The following MCM3 variants were observed in gnomAD, a reference collection of about 807,000 sequenced individuals.
The protein encoded by MCM3 is minichromosome maintenance complex component 3, also known as DNA replication licensing factor MCM3.
MCM3 carries 59 observed loss-of-function variants against 91.3 expected under a neutral mutation model. The observed-to-expected ratio is 0.65, with a 90% CI of 0.52 to 0.80. The LOEUF is 0.80. MCM3 is among the 30% of genes least tolerant of loss of function. The probability of loss-of-function intolerance (pLI) is 0.00; values close to 1 mark genes in which losing one functional copy is unlikely to be tolerated. For missense variants in MCM3, 919 were observed against 1,035.4 expected, an observed-to-expected ratio of 0.89 and a Z score of 1.54; for synonymous variants, 383 against 379.6, an observed-to-expected ratio of 1.01 and a Z score of -0.10.
chr6:52,275,410 G>A (rs940057022), intron 9 of MCM3, among the ~76,000 whole-genome samples: 4 of 152,144 alleles, frequency 2.6e-5, no homozygotes, highest in African/African-American at 9.7e-5. Context: ...CACATTGTGA[G>A]GTAGTTACTG....
At chr6:52,270,085 G>A (rs1337420146) in intron 12 of MCM3, among the ~76,000 whole-genome samples, 1 of 152,130 alleles carries the variant, frequency 6.6e-6, no homozygotes, top group Non-Finnish European at 1.5e-5. Flanking sequence ...TAGCACTTTG[G>A]GAGGCCAAGG....
intron 4 of MCM3, among the ~76,000 whole-genome samples, chr6:52,281,583 G>A (rs1339351561): frequency 6.6e-6 from 1 of 152,040 alleles, no homozygotes; most frequent in Non-Finnish European, 1.5e-5. Flanking sequence ...AGGAGGCTAA[G>A]GTGAGAAGAT....
intron 6 of MCM3, among the ~76,000 whole-genome samples, chr6:52,278,070 C>CAGA (rs1765743790): frequency 2.6e-5 from 1 of 38,962 alleles, no homozygotes; most frequent in African/African-American, 1.2e-4. Flanking sequence ...TCCGTCTCAC[C>CAGA]AAAAAAAAAA....
At chr6:52,277,436 G>T in intron 7 of MCM3, 99 bp downstream of exon 7, 1 of 1,290,212 alleles carries the variant, frequency 7.8e-7, no homozygotes, top group Non-Finnish European at 1.1e-6. Context: ...TGATAGGACT[G>T]AAATACTGCT....
At chr6:52,267,396 T>C (rs1471875127) in intron 14 of MCM3, among the ~76,000 whole-genome samples, 5 of 151,226 alleles carry the variant, frequency 3.3e-5, no homozygotes, top group Non-Finnish European at 7.4e-5. Flanking sequence ...GCGCCCAGCC[T>C]ACCCAGGTTA....
chr6:52,276,623 C>T (rs1397164506), intron 8 of MCM3, 147 bp from the exon 9 acceptor site: 1 of 670,524 alleles, frequency 1.5e-6, no homozygotes, highest in Non-Finnish European at 2.5e-6. Flanking sequence ...TTAGAGGAAA[C>T]CCTGGTGGGT....
In MCM3 at chr6:52,279,579, A is replaced by C. The variant is rs146202729; in HGVS notation, c.552T>G (p.Leu184=). The change falls in exon 5 of 17, where the codon CTT becomes CTG. Residue 184 remains leucine, a synonymous_variant. Coordinates refer to ENST00000596288, the MANE Select transcript of MCM3 (RefSeq NM_002388.6). ...YPTKDEENNP[L]ETEYGLSVYK... ...AGACAGAAAGGCCATATTCTGTCTC[A>C]AGGGGATTGTTCTCCTCATCCTAGA... 3.1e-6 allele frequency: 5 copies of C among 1,613,614 alleles called. No individual in the cohort carries two copies. In the African/African-American group the frequency reaches 6.7e-5, roughly 22 times the overall value.
At chr6:52,269,270 C>T (rs370081968) in intron 12 of MCM3, 44 bp from the exon 13 acceptor site, 4 of 1,576,370 alleles carry the variant, frequency 2.5e-6, no homozygotes, top group Non-Finnish European at 2.6e-6. Flanking sequence ...GTCTTTTAGG[C>T]ATGCCCATCA....
intron 13 of MCM3, among the ~76,000 whole-genome samples, chr6:52,268,530 C>A (rs1764824839): frequency 6.6e-6 from 1 of 152,114 alleles, no homozygotes; most frequent in Admixed American, 6.5e-5. Context: ...ATTCACCAGA[C>A]TGGGGTGGGA....
At chr6:52,274,753 T>C (rs2128279919) in intron 9 of MCM3, among the ~76,000 whole-genome samples, 1 of 151,984 alleles carries the variant, frequency 6.6e-6, no homozygotes, top group South Asian at 2.1e-4. Flanking sequence ...TACTCTCCTT[T>C]CAATTCTGGG....
At chr6:52,275,487 G>A (rs1290333538) in intron 9 of MCM3, among the ~76,000 whole-genome samples, 1 of 152,148 alleles carries the variant, frequency 6.6e-6, no homozygotes, top group Non-Finnish European at 1.5e-5. Context: ...TATTAATATG[G>A]TACAATCTTT....
At chr6:52,264,889 TCC>T in intron 16 of MCM3, 103 bp from the exon 17 acceptor site, 1 of 932,262 alleles carries the variant, frequency 1.1e-6, no homozygotes, top group Non-Finnish European at 1.7e-6. Context: ...AGTAGAGGCG[TCC>T]CCTCAATATT....
chr6:52,282,054 A>G lies in MCM3; in HGVS notation c.522T>C (p.Tyr174=), dbSNP rs1766146356. The G allele has an allele frequency of 1.2e-6, 2 of 1,614,138 alleles. No individual in the cohort carries two copies. The highest frequency in any genetic ancestry group is 4.5e-5 in the East Asian group (2 of 44,882). Residue 174 remains tyrosine (Y), a synonymous_variant, in exon 4 of 17, where the codon TAT becomes TAC. Coordinates refer to ENST00000596288, the MANE Select transcript of MCM3 (RefSeq NM_002388.6). The stretch of plus-strand genomic sequence containing the variant: ...GATTTATCCCCCTTACCTTGGTAGG[A>G]TAGACAGAGCTGGAGGGAAAGGCCA... ...TLVAFPSSSV[Y]PTKDEENNPL... is the part of the protein sequence containing the mutation.
intron 9 of MCM3, 51 bp from the exon 10 acceptor site, chr6:52,273,967 GAAC>G (rs17246401): frequency 0.018 from 25,355 of 1,447,530 alleles, 314 homozygotes; most frequent in Middle Eastern, 0.033. Context: ...TAGGAAGAAA[GAAC>G]AACAAGGCTG....
Sources: gnomAD v4.1 joint callset for allele counts (sites outside exome capture counted in the v4.1 genomes callset) on GRCh38, gnomAD v4.1.1 for gene constraint, MANE v1.5 for transcripts, NCBI Gene and HGNC (gene_info 2026-07-23, HGNC 2026-07-21) for gene names.